Variants in PTPRD observed in about 807,000 individuals in gnomAD.
PTPRD encodes the protein receptor-type tyrosine-protein phosphatase delta.
A neutral mutation model predicts 214.5 loss-of-function variants in PTPRD; 34 were observed. The ratio of observed to expected loss-of-function variants is 0.16; its 90% CI spans 0.12 to 0.21. The LOEUF (loss-of-function observed/expected upper bound fraction) is 0.21. PTPRD is among the 10% of genes least tolerant of loss of function. The probability of loss-of-function intolerance (pLI) is 1.00; values close to 1 mark genes in which losing one functional copy is unlikely to be tolerated. For missense variants in PTPRD, 2,545 were observed against 2,398.7 expected (o/e 1.06, Z -1.27); for synonymous variants, 1,128 against 845.7 (o/e 1.33, Z -5.79).
At chr9:10,012,429 T>C (rs1225362662) in intron 4 of PTPRD, among the ~76,000 whole-genome samples, 1 of 151,942 alleles carries the variant, frequency 6.6e-6, no homozygotes, top group African/African-American at 2.4e-5. Context: ...CACTTATGTG[T>C]AAGATGATTT....
chr9:10,108,219 T>C (rs1322665914), intron 3 of PTPRD, among the ~76,000 whole-genome samples: 2 of 152,134 alleles, frequency 1.3e-5, no homozygotes, highest in African/African-American at 2.4e-5. Flanking sequence ...CATAGTTTTA[T>C]GGTAGACAGC....
At chr9:9,072,276 A>C (rs634921) in intron 10 of PTPRD, among the ~76,000 whole-genome samples, 79,993 of 141,960 alleles carry the variant, frequency 0.56, 22,763 homozygotes, top group Non-Finnish European at 0.65. Context: ...AAGAGCTGGC[A>C]ACTTACACAC....
At chr9:9,264,864 G>C (rs1002022779) in intron 9 of PTPRD, among the ~76,000 whole-genome samples, 12 of 149,534 alleles carry the variant, frequency 8.0e-5, no homozygotes, top group African/African-American at 2.9e-4. Context: ...TGCAGGCCAG[G>C]AGAAAGTGGA....
At chr9:8,841,765 A>C (rs1490993371) in intron 11 of PTPRD, among the ~76,000 whole-genome samples, 1 of 152,104 alleles carries the variant, frequency 6.6e-6, no homozygotes, top group Non-Finnish European at 1.5e-5. Context: ...TAATCCCAGC[A>C]CTTTGGGAGG....
At chr9:10,172,564 C>T (rs1205946060) in intron 3 of PTPRD, among the ~76,000 whole-genome samples, 1 of 152,148 alleles carries the variant, frequency 6.6e-6, no homozygotes, top group Non-Finnish European at 1.5e-5. Flanking sequence ...TTGGGACCTG[C>T]CATTCTAGCT....
chr9:9,283,062 G>A (rs1948269777), intron 9 of PTPRD, among the ~76,000 whole-genome samples: 1 of 151,270 alleles, frequency 6.6e-6, no homozygotes, highest in Admixed American at 6.6e-5. Context: ...CCCTAAACTT[G>A]GTGTGATAAC....
chr9:9,483,069 T>C (rs1411481721), intron 8 of PTPRD, among the ~76,000 whole-genome samples: 5 of 152,222 alleles, frequency 3.3e-5, no homozygotes, highest in African/African-American at 9.6e-5. Flanking sequence ...ATTCAGAGTA[T>C]GACTAAATGC....
In PTPRD at chr9:8,583,923, G is replaced by A. The variant is rs182464124; in HGVS notation, c.352+49394C>T. Reference sequence around the variant, plus strand: ...TCTCAGCATTTTGGGAAGCCAAGGCGGGCAGATCACTTGAGCTTAGGCGTT... The same window carrying A: ...TCTCAGCATTTTGGGAAGCCAAGGCAGGCAGATCACTTGAGCTTAGGCGTT... On this transcript the variant is annotated intron_variant, in intron 14 of 45. Coordinates refer to ENST00000381196, the MANE Select transcript of PTPRD (RefSeq NM_002839.4). Among the ~76,000 whole-genome samples the A allele has an allele frequency of 3.9e-5, 6 of 152,248 alleles. 1 individual carries two copies. The highest frequency in any genetic ancestry group is 1.9e-4 in the East Asian group (1 of 5,176).
At chr9:8,717,320 C>G (rs1462517684) in intron 12 of PTPRD, among the ~76,000 whole-genome samples, 2 of 152,198 alleles carry the variant, frequency 1.3e-5, no homozygotes, top group Non-Finnish European at 2.9e-5. Context: ...GTCTCATCCT[C>G]TCTGGCTGTC....
chr9:9,955,828 G>T (rs1434813086), intron 4 of PTPRD, among the ~76,000 whole-genome samples: 2 of 151,830 alleles, frequency 1.3e-5, no homozygotes, highest in African/African-American at 2.4e-5. Context: ...GGCCTATTTG[G>T]GTTCTTAAGA....
chr9:10,014,389 T>C (rs1218518371), intron 4 of PTPRD, among the ~76,000 whole-genome samples: 2 of 152,042 alleles, frequency 1.3e-5, no homozygotes, highest in South Asian at 2.1e-4. Flanking sequence ...CATTTTATTA[T>C]GTAGACTGTT....
chr9:9,242,719 G>T (rs976660503), intron 9 of PTPRD, among the ~76,000 whole-genome samples: 7 of 152,000 alleles, frequency 4.6e-5, no homozygotes, highest in African/African-American at 1.4e-4. Context: ...TCTCTACACT[G>T]GTTATTCTAG....
chr9:9,527,193 C>T (rs2074326576), intron 8 of PTPRD, among the ~76,000 whole-genome samples: 1 of 152,142 alleles, frequency 6.6e-6, no homozygotes, highest in African/African-American at 2.4e-5. Context: ...AGATTACTAT[C>T]TTGAATGTTT....
chr9:8,604,037 G>C (rs2095047909), intron 14 of PTPRD, among the ~76,000 whole-genome samples: 1 of 152,166 alleles, frequency 6.6e-6, no homozygotes, highest in Non-Finnish European at 1.5e-5. Context: ...ATTATGCTGA[G>C]AGTGTTTAAT....
chr9:8,994,671 T>C (rs13440275), intron 11 of PTPRD, among the ~76,000 whole-genome samples: 3,622 of 151,732 alleles, frequency 0.024, 149 homozygotes, highest in African/African-American at 0.078. Flanking sequence ...AGGGGGGGTG[T>C]TGTTTGTTTT....
intron 7 of PTPRD, among the ~76,000 whole-genome samples, chr9:9,722,037 TA>T (rs1421376760): frequency 6.6e-5 from 10 of 152,148 alleles, no homozygotes; most frequent in African/African-American, 2.4e-4. Flanking sequence ...ATATCATATT[TA>T]TCCCAGTTTC....
intron 5 of PTPRD, among the ~76,000 whole-genome samples, chr9:9,884,642 T>G (rs1482196649): frequency 2.6e-5 from 4 of 152,140 alleles, no homozygotes; most frequent in African/African-American, 9.7e-5. Flanking sequence ...AATCTCATTT[T>G]GAGTTATAGT....
At chr9:9,778,521 C>A (rs2098817211) in intron 5 of PTPRD, among the ~76,000 whole-genome samples, 1 of 152,164 alleles carries the variant, frequency 6.6e-6, no homozygotes, top group Non-Finnish European at 1.5e-5. Flanking sequence ...ACCTCCGAGT[C>A]AGGAGAGGGC....
At chr9:9,810,078 G>GCTACAA (rs1251580713) in intron 5 of PTPRD, among the ~76,000 whole-genome samples, 168 of 146,410 alleles carry the variant, frequency 1.1e-3, no homozygotes, top group Non-Finnish European at 2.2e-3. Flanking sequence ...CTCCTCTTCA[G>GCTACAA]GCTACTCAGT....
Sources: gnomAD v4.1 joint callset for allele counts (sites outside exome capture counted in the v4.1 genomes callset) on GRCh38, gnomAD v4.1.1 for gene constraint, MANE v1.5 for transcripts, NCBI Gene and HGNC (gene_info 2026-07-23, HGNC 2026-07-21) for gene names.